PHACTR4: variants seen among roughly 807,000 people sequenced by gnomAD.
PHACTR4 encodes the protein phosphatase and actin regulator 4.
Under a neutral mutation model 72.7 loss-of-function variants are expected in PHACTR4, and 51 were observed. That is an observed-to-expected ratio of 0.70 (90% CI 0.56 to 0.89). The LOEUF is 0.89. Among genes scored for constraint, PHACTR4 ranks in the 40% least tolerant of loss-of-function variants. The probability of loss-of-function intolerance (pLI) is 0.00; values close to 1 mark genes in which losing one functional copy is unlikely to be tolerated. For missense variants in PHACTR4, 731 were observed against 861.8 expected, an observed-to-expected ratio of 0.85 and a Z score of 1.90; for synonymous variants, 255 against 302.5, an observed-to-expected ratio of 0.84 and a Z score of 1.63.
chr1:28,495,601 T>TTTTATTTA (rs1253719797), intron 13 of PHACTR4, among the ~76,000 whole-genome samples: 12 of 145,432 alleles, frequency 8.3e-5, no homozygotes, highest in Admixed American at 2.0e-4. Context: ...GGGATTTTAT[T>TTTTATTTA]TTTATTTATT....
At chr1:28,426,589 G>T (rs976442313) in intron 2 of PHACTR4, among the ~76,000 whole-genome samples, 17 of 152,102 alleles carry the variant, frequency 1.1e-4, no homozygotes, top group African/African-American at 4.1e-4. Context: ...GCGTGAACCC[G>T]GGAGGCGGAG....
Position 28,478,010 on chromosome 1 carries a change from A to C in PHACTR4, c.1606+1719A>C, listed in dbSNP as rs558369595. On this transcript the variant is annotated intron_variant, in intron 8 of 13. Transcript: ENST00000373839. ...GCCTAGATCTTATTTCTTCTATCTA[A>C]TTCTGTTTTTATACCCATTAACCAG... Among the ~76,000 whole-genome samples, 12 of 152,006 alleles carry C rather than the reference A, an allele frequency of 7.9e-5. 1 individual carries two copies. The South Asian group carries it at 2.5e-3, about 32-fold the overall frequency.
intron 1 of PHACTR4, among the ~76,000 whole-genome samples, chr1:28,376,469 C>T (rs954835939): frequency 2.0e-5 from 3 of 149,240 alleles, no homozygotes; most frequent in African/African-American, 7.6e-5. Flanking sequence ...GCATGCACCA[C>T]CATGCCTGGC....
rs189354000 is a variant in PHACTR4, at chr1:28,472,142, G to A, written c.824-1412G>A. ...GCAGGCGAATGGTGTGAACCCGGGA[G>A]GCAGAGCTTGCAGTGAGCCGAGATG... On this transcript the variant is annotated intron_variant, in intron 6 of 13. Coordinates refer to ENST00000373839, the MANE Select transcript of PHACTR4 (RefSeq NM_001048183.3). Among the ~76,000 whole-genome samples the A allele has an allele frequency of 6.7e-4, 102 of 151,800 alleles. 3 individuals carry two copies. In the East Asian group the frequency reaches 0.018, roughly 26 times the overall value.
chr1:28,407,785 A>T (rs1268522918), intron 2 of PHACTR4, among the ~76,000 whole-genome samples: 1 of 152,242 alleles, frequency 6.6e-6, no homozygotes, highest in Non-Finnish European at 1.5e-5. Flanking sequence ...TAATTAAAAA[A>T]ATCAAGAACC....
chr1:28,426,774 C>T (rs1475532015), intron 2 of PHACTR4, among the ~76,000 whole-genome samples: 1 of 151,020 alleles, frequency 6.6e-6, no homozygotes, highest in Non-Finnish European at 1.5e-5. Context: ...TCTCAAACTC[C>T]TGGGCTCAAG....
chr1:28,383,207 A>T (rs1471463740), intron 1 of PHACTR4, among the ~76,000 whole-genome samples: 2 of 152,052 alleles, frequency 1.3e-5, no homozygotes, highest in East Asian at 3.9e-4. Context: ...ATTCTGTTCT[A>T]TTGGTCTATG....
At chr1:28,428,564 C>T (rs1656019794) in intron 2 of PHACTR4, among the ~76,000 whole-genome samples, 2 of 152,192 alleles carry the variant, frequency 1.3e-5, no homozygotes, top group Admixed American at 1.3e-4. Context: ...ATTTCAGTTT[C>T]TCTCGCTAAT....
chr1:28,443,030 T>C (rs1446181191), intron 2 of PHACTR4, among the ~76,000 whole-genome samples: 1 of 152,090 alleles, frequency 6.6e-6, no homozygotes, highest in Non-Finnish European at 1.5e-5. Flanking sequence ...TTTCCTCTTA[T>C]CTAGCTGTAA....
chr1:28,492,456 T>A (rs1661094181), intron 12 of PHACTR4, among the ~76,000 whole-genome samples: 1 of 143,410 alleles, frequency 7.0e-6, no homozygotes, highest in South Asian at 2.2e-4. Context: ...AATAAAAAAT[T>A]AAAATTAAAA....
chr1:28,433,785 T>TTTTTA (rs1229532739), intron 2 of PHACTR4, among the ~76,000 whole-genome samples: 1 of 145,502 alleles, frequency 6.9e-6, no homozygotes, highest in Non-Finnish European at 1.5e-5. Flanking sequence ...TTTATTTTGT[T>TTTTTA]TTTTATTTTA....
At chr1:28,376,630 A>G (rs1045098472) in intron 1 of PHACTR4, among the ~76,000 whole-genome samples, 1 of 141,784 alleles carries the variant, frequency 7.1e-6, no homozygotes, top group African/African-American at 2.6e-5. Context: ...CGCTGGGCCT[A>G]TGTAGACCTT....
At chr1:28,495,815 G>A (rs114280414) in intron 13 of PHACTR4, among the ~76,000 whole-genome samples, 3,172 of 151,160 alleles carry the variant, frequency 0.021, 124 homozygotes, top group African/African-American at 0.073. Context: ...CAGGGTCTCC[G>A]TATGTTGCCC....
At chr1:28,388,695 C>CAA (rs1652767569) in intron 1 of PHACTR4, among the ~76,000 whole-genome samples, 1 of 152,050 alleles carries the variant, frequency 6.6e-6, no homozygotes, top group Non-Finnish European at 1.5e-5. Flanking sequence ...ACTAAAAATA[C>CAA]AAAAATTAGC....
At chr1:28,443,638 G>A (rs902960250) in intron 2 of PHACTR4, among the ~76,000 whole-genome samples, 6 of 151,612 alleles carry the variant, frequency 4.0e-5, no homozygotes, top group African/African-American at 1.5e-4. Context: ...TTGACGAAAC[G>A]AGGTCTCACT....
intron 1 of PHACTR4, among the ~76,000 whole-genome samples, chr1:28,387,259 C>CAAAAA (rs11431699): frequency 7.8e-4 from 75 of 96,482 alleles, no homozygotes; most frequent in African/African-American, 2.6e-3. Flanking sequence ...GACCCTGTCT[C>CAAAAA]AAAAAAAAAA....
chr1:28,416,050 ATGT>A (rs1194279190), intron 2 of PHACTR4, among the ~76,000 whole-genome samples: 5 of 152,322 alleles, frequency 3.3e-5, no homozygotes, highest in Non-Finnish European at 7.4e-5. Context: ...TTTTGATGTT[ATGT>A]TGTTATCACT....
At chr1:28,445,244 C>T (rs1056501144) in intron 2 of PHACTR4, among the ~76,000 whole-genome samples, 1 of 152,050 alleles carries the variant, frequency 6.6e-6, no homozygotes, top group Non-Finnish European at 1.5e-5. Context: ...TGAGCCACCT[C>T]ACCTGGCCAT....
chr1:28,466,810 G>A, intron 6 of PHACTR4, 42 bp downstream of exon 6: 1 of 1,558,144 alleles, frequency 6.4e-7, no homozygotes, highest in South Asian at 1.2e-5. Context: ...GGTTTGGTTT[G>A]ATGTTGGATG....
Sources: gnomAD v4.1 joint callset for allele counts (sites outside exome capture counted in the v4.1 genomes callset) on GRCh38, gnomAD v4.1.1 for gene constraint, MANE v1.5 for transcripts, NCBI Gene and HGNC (gene_info 2026-07-23, HGNC 2026-07-21) for gene names.